CAP2: variants seen among roughly 807,000 people sequenced by gnomAD.
CAP2 encodes cyclase associated actin cytoskeleton regulatory protein 2.
In CAP2, 24 loss-of-function variants were observed where a neutral mutation model predicts 57.7. That is an observed-to-expected ratio of 0.42 (90% confidence interval 0.30 to 0.58). CAP2 has a LOEUF of 0.58. Among genes scored for constraint, CAP2 ranks in the 20% least tolerant of loss-of-function variants. The pLI is 0.22. For missense variants in CAP2, 501 were observed against 590.3 expected (o/e 0.85, Z 1.57); for synonymous variants, 194 against 207.2 (o/e 0.94, Z 0.55).
chr6:17,398,290 A>G (rs1758720801), intron 1 of CAP2, among the ~76,000 whole-genome samples: 2 of 152,118 alleles, frequency 1.3e-5, no homozygotes, highest in East Asian at 1.9e-4. Context: ...CGTATTGTAT[A>G]TCCTGCGGAG....
chr6:17,414,299 T>A (rs6905280), intron 1 of CAP2, among the ~76,000 whole-genome samples: 15,285 of 151,894 alleles, frequency 0.1, 2,580 homozygotes, highest in African/African-American at 0.35. Context: ...AAAAACACTT[T>A]AAAAAATGGG....
At chr6:17,458,886 CAAAA>C (rs397779120) in intron 3 of CAP2, among the ~76,000 whole-genome samples, 2 of 110,292 alleles carry the variant, frequency 1.8e-5, no homozygotes, top group Admixed American at 9.5e-5. Flanking sequence ...CACAAAGGAG[CAAAA>C]AAAAAAAAAA....
chr6:17,481,576 C>G (rs1475132753), intron 4 of CAP2, among the ~76,000 whole-genome samples: 1 of 152,150 alleles, frequency 6.6e-6, no homozygotes, highest in Non-Finnish European at 1.5e-5. Flanking sequence ...CCATTATATT[C>G]TATTAATCTT....
In CAP2 at chr6:17,513,526, C is replaced by T. The variant is rs1033409585; in HGVS notation, c.531-323C>T. Among the ~76,000 whole-genome samples, 5 of 152,122 alleles carry T rather than the reference C, an allele frequency of 3.3e-5. No homozygotes were observed. The highest frequency in any genetic ancestry group is 2.4e-5 in the African/African-American group (1 of 41,426). On this transcript the variant is annotated intron_variant, in intron 6 of 12. Transcript: ENST00000229922. This position sits in a 1 kb window ranked among gnomAD's most constrained non-coding sequence, Gnocchi z 4.3. ...AGAAACAGTCTCCCCTCCACGCCCC[C>T]GTCACGTGAGGGCTGACTGGGACAG...
chr6:17,412,675 G>T (rs1195064517), intron 1 of CAP2, among the ~76,000 whole-genome samples: 1 of 152,140 alleles, frequency 6.6e-6, no homozygotes, highest in Admixed American at 6.6e-5. Flanking sequence ...ATGGGATGGT[G>T]AGGTAATTGT....
intron 3 of CAP2, among the ~76,000 whole-genome samples, chr6:17,437,541 G>A (rs868200753): frequency 1.3e-5 from 2 of 152,066 alleles, no homozygotes; most frequent in Admixed American, 1.3e-4. Flanking sequence ...TTTTCAATTT[G>A]TATTTTTCTT....
At chr6:17,499,502 TGAAAGACCAAG>T (rs2113646268) in intron 4 of CAP2, among the ~76,000 whole-genome samples, 1 of 152,156 alleles carries the variant, frequency 6.6e-6, no homozygotes, top group East Asian at 1.9e-4. Flanking sequence ...ATGCATCCTC[TGAAAGACCAAG>T]TCACCAGGTT....
At chr6:17,532,293 A>C (rs1762663049) in intron 7 of CAP2, among the ~76,000 whole-genome samples, 2 of 151,132 alleles carry the variant, frequency 1.3e-5, no homozygotes, top group African/African-American at 4.8e-5. Flanking sequence ...GGTGTGTGCC[A>C]CCATGCCTGG....
At chr6:17,481,453 C>A (rs564531265) in intron 4 of CAP2, among the ~76,000 whole-genome samples, 1,956 of 11,108 alleles carry the variant, frequency 0.18, 41 homozygotes, top group African/African-American at 0.42. Flanking sequence ...ACAAAAAAAA[C>A]TTTTGTTCAT....
In CAP2 at chr6:17,434,227, T is replaced by C. The variant is rs572423666; in HGVS notation, c.222+7537T>C. On this transcript the variant is annotated intron_variant, in intron 3 of 12. Transcript: ENST00000229922. ...ATTTCTTTTCTTTTTTTTTCTCTTTTTTTCTTTCTTTTTTTTTTTGAGACA... is the reference window on the plus strand; with the variant it reads ...ATTTCTTTTCTTTTTTTTTCTCTTTCTTTCTTTCTTTTTTTTTTTGAGACA... Among the ~76,000 whole-genome samples the C allele has an allele frequency of 9.1e-5, 13 of 143,358 alleles. No homozygotes were observed. The South Asian group carries it at 2.7e-3, about 30-fold the overall frequency. 94.0% of individuals were successfully genotyped at this position (143,358 alleles called of 152,430 possible).
At chr6:17,515,055 G>A (rs546116573) in intron 7 of CAP2, among the ~76,000 whole-genome samples, 8 of 152,076 alleles carry the variant, frequency 5.3e-5, no homozygotes, top group East Asian at 3.9e-4. Flanking sequence ...AAAAACAGCC[G>A]AGCGTGGTGG....
chr6:17,548,366 A>C (rs990449096), intron 11 of CAP2, among the ~76,000 whole-genome samples: 1 of 143,540 alleles, frequency 7.0e-6, no homozygotes, highest in South Asian at 2.2e-4. Flanking sequence ...ATTCTGTCTC[A>C]AAAAAAAAAA....
chr6:17,528,210 G>A (rs900689959), intron 7 of CAP2, among the ~76,000 whole-genome samples: 4 of 152,202 alleles, frequency 2.6e-5, no homozygotes, highest in Non-Finnish European at 5.9e-5. Context: ...GCTAAGCCAC[G>A]AGGTTCAATA....
At chr6:17,539,205 G>C in intron 7 of CAP2, 64 bp from the exon 8 acceptor site, 3 of 1,492,754 alleles carry the variant, frequency 2.0e-6, no homozygotes, top group Non-Finnish European at 2.7e-6. Flanking sequence ...CGACTCTCTC[G>C]GGCAAAATCC....
At chr6:17,507,121 C>T (rs977715680) in intron 4 of CAP2, 48 bp from the exon 5 acceptor site, 2 of 1,606,534 alleles carry the variant, frequency 1.2e-6, no homozygotes, top group African/African-American at 1.3e-5. Flanking sequence ...AGGTGCTATG[C>T]GTCTGCTCTG....
At chr6:17,474,675 A>C (rs1240220831) in intron 4 of CAP2, among the ~76,000 whole-genome samples, 2 of 152,166 alleles carry the variant, frequency 1.3e-5, no homozygotes, top group Non-Finnish European at 2.9e-5. Flanking sequence ...TCTGTCAAAC[A>C]ACAAGTAACT....
chr6:17,474,185 C>CTTTTTTTTTTTTTTTTT (rs544909381), intron 4 of CAP2, among the ~76,000 whole-genome samples: 17 of 93,210 alleles, frequency 1.8e-4, no homozygotes, highest in Non-Finnish European at 2.6e-4. Context: ...AAAAAACAGT[C>CTTTTTTTTTTTTTTTTT]TTTTTTTTTT....
rs576260321 is a variant in CAP2 at position 17,513,857 on chromosome 6, G to A, written c.539G>A (p.Arg180His). 75 of 1,608,520 alleles carry A rather than the reference G, an allele frequency of 4.7e-5. No individual in the cohort carries two copies. The highest frequency in any genetic ancestry group is 3.6e-4 in the South Asian group (33 of 90,940). ...VLKDYKHSDL[R>H]HVDWVKSYLN... The stretch of plus-strand genomic sequence containing the variant: ...CCTCTTTCACAACAAAGTGATTTGC[G>A]TCATGTGGATTGGGTGAAGTCATAT... The change falls in exon 7 of 13, where the codon CGT becomes CAT. Residue 180 changes from arginine (R) to histidine (H), a missense_variant. Physicochemically the swap from Arg to His is conservative, Grantham distance 29. Transcript: ENST00000229922. This position sits in a 1 kb window ranked among gnomAD's most constrained non-coding sequence, Gnocchi z 4.3.
chr6:17,514,048 C>A, intron 7 of CAP2, 94 bp downstream of exon 7: 1 of 807,932 alleles, frequency 1.2e-6, no homozygotes, highest in Non-Finnish European at 2.1e-6. Flanking sequence ...AAACTTACCT[C>A]AAGGAAAATG....
Sources: gnomAD v4.1 joint callset for allele counts (sites outside exome capture counted in the v4.1 genomes callset) on GRCh38, gnomAD v4.1.1 for gene constraint, Gnocchi (gnomAD v3.1) non-coding constraint, MANE v1.5 for transcripts, NCBI Gene and HGNC (gene_info 2026-07-23, HGNC 2026-07-21) for gene names.